SDAD1: variants seen among roughly 807,000 people sequenced by gnomAD.
The protein encoded by SDAD1 is SDA1 domain containing 1.
A neutral mutation model predicts 100.3 loss-of-function variants in SDAD1; 79 were observed. The observed-to-expected ratio is 0.79, with a 90% CI of 0.66 to 0.95. SDAD1 has a LOEUF of 0.95. SDAD1 is among the 40% of genes least tolerant of loss of function. SDAD1 has a pLI of 0.00. For synonymous variants in SDAD1, 267 were observed against 271.4 expected (o/e 0.98, Z 0.16); for missense variants, 790 against 810.9 (o/e 0.97, Z 0.31).
At chr4:75,975,206 G>A (rs1173779543) in intron 6 of SDAD1, among the ~76,000 whole-genome samples, 1 of 152,056 alleles carries the variant, frequency 6.6e-6, no homozygotes, top group Non-Finnish European at 1.5e-5. Flanking sequence ...CAAATTTTCT[G>A]CTGTAATGAA....
intron 1 of SDAD1, among the ~76,000 whole-genome samples, chr4:75,986,454 T>C (rs999309407): frequency 4.6e-5 from 7 of 152,186 alleles, no homozygotes; most frequent in African/African-American, 9.7e-5. Context: ...ACTAGGAATA[T>C]AAGCAATCTG....
rs553516173 is a variant in SDAD1 at position 75,953,695 on chromosome 4, C to T, written c.2016+2280G>A. Among the ~76,000 whole-genome samples, 12 of 152,280 alleles carry T rather than the reference C, an allele frequency of 7.9e-5. 1 individual carries two copies. The South Asian group carries it at 1.2e-3, about 16-fold the overall frequency. ...CACAGCACTGCCCTAGAGGGCTGGCCGTTACATTCAGTGCTGGCAGGCTGA... is the reference window on the plus strand; with the variant it reads ...CACAGCACTGCCCTAGAGGGCTGGCTGTTACATTCAGTGCTGGCAGGCTGA... On this transcript the variant is annotated intron_variant, in intron 21 of 21. Transcript: ENST00000356260.
At chr4:75,969,241 C>T in intron 11 of SDAD1, 55 bp downstream of exon 11, 1 of 1,413,458 alleles carries the variant, frequency 7.1e-7, no homozygotes, top group South Asian at 1.2e-5. Flanking sequence ...TTTTCTTTTA[C>T]CATGGTAAAT....
At position 75,956,146 on chromosome 4, in the gene SDAD1, C is replaced by A; in HGVS notation, c.1855-10G>T. On this transcript the variant is annotated splice_polypyrimidine_tract_variant and intron_variant, in intron 20 of 21. Coordinates refer to ENST00000356260, the MANE Select transcript of SDAD1 (RefSeq NM_018115.4). Reference sequence around the variant, plus strand: ...GGTCTGTCTTTCCAGCCTACCAGAACAAAAAGTTTGATATTTCTTCTTCAA... The same window carrying A: ...GGTCTGTCTTTCCAGCCTACCAGAAAAAAAAGTTTGATATTTCTTCTTCAA... 6.3e-7 allele frequency: 1 copy of A among 1,589,750 alleles called. No individual in the cohort carries two copies. Among genetic ancestry groups the A allele is most frequent in the Non-Finnish European group, 8.5e-7 (1 of 1,172,582 alleles).
chr4:75,969,988 GTT>G (rs72249104), intron 10 of SDAD1, among the ~76,000 whole-genome samples: 48 of 145,090 alleles, frequency 3.3e-4, no homozygotes, highest in East Asian at 8.0e-4. Flanking sequence ...CACAGACTAG[GTT>G]TTTTTTTTTT....
chr4:75,957,856 C>A lies in SDAD1; in HGVS notation c.1569G>T (p.Gln523His). 1 of 1,614,066 alleles carries A rather than the reference C, an allele frequency of 6.2e-7. No individual in the cohort carries two copies. Among genetic ancestry groups the A allele is most frequent in the Non-Finnish European group, 8.5e-7 (1 of 1,179,978 alleles). The change falls in exon 18 of 22, where the codon CAG becomes CAT. Residue 523 changes from glutamine to histidine, a missense_variant. Transcript: ENST00000356260. ...AAATTTTCAGACTTACGATTTCTTG[C>A]TGTTCTTCATCGGAAGAGTGTTGCA... ...IDVQHSSDEE[Q>H]QEISKKLNSM...
intron 1 of SDAD1, among the ~76,000 whole-genome samples, chr4:75,986,504 C>T (rs1238070631): frequency 6.6e-6 from 1 of 152,136 alleles, no homozygotes; most frequent in Non-Finnish European, 1.5e-5. Flanking sequence ...CTCCTGTGCC[C>T]ATATACTTTA....
chr4:75,985,619 C>G (rs991484470), intron 1 of SDAD1, among the ~76,000 whole-genome samples: 1 of 152,134 alleles, frequency 6.6e-6, no homozygotes, highest in Non-Finnish European at 1.5e-5. Flanking sequence ...TGTTATAATA[C>G]TTGGTGATTT....
intron 17 of SDAD1, among the ~76,000 whole-genome samples, chr4:75,958,819 C>T (rs964302633): frequency 6.6e-6 from 1 of 150,432 alleles, no homozygotes; most frequent in African/African-American, 2.4e-5. Context: ...AAAAAAAGGC[C>T]GGGTGCAGTG....
At position 75,957,723 on chromosome 4, in the gene SDAD1, A is replaced by AG. The variant is rs1560536659; in HGVS notation, c.1579-16dup. Reference sequence around the variant, plus strand: ...AGCTTCTTGGACTTGAAACCACACAAGGGCTTAAATGGCTACCAGCTCAAG... The same window carrying AG: ...AGCTTCTTGGACTTGAAACCACACAAGGGGCTTAAATGGCTACCAGCTCAAG... On this transcript the variant is annotated splice_polypyrimidine_tract_variant and intron_variant, in intron 18 of 21. Transcript: ENST00000356260. 6.2e-6 allele frequency: 10 copies of AG among 1,614,058 alleles called. No homozygotes were observed. The highest frequency in any genetic ancestry group is 8.5e-6 in the Non-Finnish European group (10 of 1,179,908).
chr4:75,971,223 C>T, intron 9 of SDAD1, 134 bp downstream of exon 9: 1 of 622,622 alleles, frequency 1.6e-6, no homozygotes, highest in Non-Finnish European at 2.8e-6. Context: ...AATATTAGTG[C>T]TTAAAAATTT....
chr4:75,953,155 T>C (rs938401454), intron 21 of SDAD1, among the ~76,000 whole-genome samples: 1 of 152,194 alleles, frequency 6.6e-6, no homozygotes, highest in African/African-American at 2.4e-5. Flanking sequence ...AAAACATTCT[T>C]GAACCAACAA....
chr4:75,973,296 A>C, intron 8 of SDAD1, 21 bp downstream of exon 8: 1 of 1,585,222 alleles, frequency 6.3e-7, no homozygotes, highest in Non-Finnish European at 8.7e-7. Context: ...AAGATTCAGA[A>C]GCAGCTATGA....
intron 1 of SDAD1, among the ~76,000 whole-genome samples, chr4:75,984,165 T>TAAAA (rs149376871): frequency 7.2e-6 from 1 of 138,974 alleles, no homozygotes; most frequent in African/African-American, 2.7e-5. Context: ...TTTGGTACCT[T>TAAAA]AAAAAAAAAA....
At chr4:75,979,974 C>T (rs371472423) in intron 3 of SDAD1, among the ~76,000 whole-genome samples, 28 of 151,346 alleles carry the variant, frequency 1.9e-4, no homozygotes, top group South Asian at 6.4e-4. Flanking sequence ...CCCAAGAAGC[C>T]GGGACTACAG....
intron 1 of SDAD1, among the ~76,000 whole-genome samples, chr4:75,985,978 A>C (rs1189853209): frequency 1.3e-5 from 2 of 152,082 alleles, no homozygotes; most frequent in Non-Finnish European, 2.9e-5. Flanking sequence ...CCATGCGTAT[A>C]CTTCAACTCA....
chr4:75,980,414 T>C (rs1730430057), intron 3 of SDAD1, among the ~76,000 whole-genome samples: 1 of 152,246 alleles, frequency 6.6e-6, no homozygotes, highest in Admixed American at 6.5e-5. Context: ...TTTCTACAAG[T>C]TGTGCTATAG....
Position 75,973,345 on chromosome 4 carries a change from T to C in SDAD1, c.683A>G (p.Glu228Gly). 2 of 1,613,754 alleles carry C rather than the reference T, an allele frequency of 1.2e-6. No individual in the cohort carries two copies. The highest frequency in any genetic ancestry group is 1.7e-6 in the Non-Finnish European group (2 of 1,179,812). The stretch of plus-strand genomic sequence containing the variant: ...AGATTCGGAGTCACTGTCCTGTTTT[T>C]CATCTTCATCTTTCCCAAGAAAGAA... ...LTFFLGKDED[E>G]KQDSDSESED... Residue 228 changes from glutamate to glycine, a missense_variant, in exon 8 of 22, where the codon GAA becomes GGA. Physicochemically the swap from Glu to Gly is moderately conservative, Grantham distance 98. Transcript: ENST00000356260.
At chr4:75,981,266 T>C (rs1042407272) in intron 3 of SDAD1, 106 bp downstream of exon 3, 16 of 1,005,966 alleles carry the variant, frequency 1.6e-5, no homozygotes, top group Non-Finnish European at 2.1e-5. Flanking sequence ...CATTATAATT[T>C]ACGTTTTCTG....
Sources: gnomAD v4.1 joint callset for allele counts (sites outside exome capture counted in the v4.1 genomes callset) on GRCh38, gnomAD v4.1.1 for gene constraint, MANE v1.5 for transcripts, NCBI Gene and HGNC (gene_info 2026-07-23, HGNC 2026-07-21) for gene names.